Variants in DOT1L observed in about 807,000 individuals in gnomAD.
The protein encoded by DOT1L is DOT1 like histone lysine methyltransferase.
Under a neutral mutation model 153.3 loss-of-function variants are expected in DOT1L, and 33 were observed. That is an observed-to-expected ratio of 0.22 (90% confidence interval 0.16 to 0.29). The LOEUF is 0.29. Ranked by LOEUF, DOT1L falls within the 10% of genes least tolerant of loss-of-function variation. The pLI, the probability that DOT1L is intolerant of heterozygous loss-of-function variation, is 1.00. For missense variants in DOT1L, 1,847 were observed against 2,119.9 expected, an observed-to-expected ratio of 0.87 and a Z score of 2.53; for synonymous variants, 1,135 against 965.1, an observed-to-expected ratio of 1.18 and a Z score of -3.26.
chr19:2,217,110 C>T lies in DOT1L; in HGVS notation c.2544+20C>T. 2 of 1,570,450 alleles carry T rather than the reference C, an allele frequency of 1.3e-6. No individual in the cohort carries two copies. Among genetic ancestry groups the T allele is most frequent in the Non-Finnish European group, 1.7e-6 (2 of 1,155,914 alleles). On this transcript the variant is annotated intron_variant, in intron 21 of 27. Transcript: ENST00000398665. This position sits in a 1 kb window ranked among gnomAD's most constrained non-coding sequence, Gnocchi z 7.3. ...GAGAAGGTGCGGGCCGCGACCCCTG[C>T]CCCGGGCTCAGGGAGGTGCTCAGCA...
At chr19:2,185,624 C>A (rs1181952435) in intron 2 of DOT1L, among the ~76,000 whole-genome samples, 2 of 152,080 alleles carry the variant, frequency 1.3e-5, no homozygotes, top group Non-Finnish European at 2.9e-5. Flanking sequence ...CAAAAATTAG[C>A]CAGGCGTGGT....
chr19:2,182,790 C>T (rs1354776408), intron 2 of DOT1L, among the ~76,000 whole-genome samples: 2 of 152,280 alleles, frequency 1.3e-5, no homozygotes, highest in East Asian at 1.9e-4. Context: ...GGATCTCAGG[C>T]AGTGGCGGTG....
intron 26 of DOT1L, 134 bp from the exon 27 acceptor site, chr19:2,226,049 G>C: frequency 1.0e-6 from 1 of 956,926 alleles, no homozygotes; most frequent in Non-Finnish European, 1.5e-6. Context: ...ATCCTGTCCC[G>C]CTTGGCATCT....
intron 23 of DOT1L, 140 bp from the exon 24 acceptor site, chr19:2,221,836 C>T (rs929163175): frequency 1.9e-5 from 17 of 881,916 alleles, no homozygotes; most frequent in African/African-American, 1.9e-4. Flanking sequence ...CCAGAGGGGC[C>T]GTTTTCAGAC....
At chr19:2,225,750 CCT>C (rs1555728677) in intron 26 of DOT1L, among the ~76,000 whole-genome samples, 1 of 152,166 alleles carries the variant, frequency 6.6e-6, no homozygotes, top group Non-Finnish European at 1.5e-5. Flanking sequence ...CCTTGGGTCC[CCT>C]GTTTGCTTTG....
rs564903627 is a variant in DOT1L at position 2,218,644 on chromosome 19, G to T, written c.2691+726G>T. Among the ~76,000 whole-genome samples the T allele has an allele frequency of 8.6e-5, 13 of 151,870 alleles. No homozygotes were observed. In the East Asian group the frequency reaches 1.9e-3, roughly 23 times the overall value. ...TCCTGACCTAGTGATCCGCCCGCCTGGGCCTCCCAAAGTGCTGGGATTACA... is the reference window on the plus strand; with the variant it reads ...TCCTGACCTAGTGATCCGCCCGCCTTGGCCTCCCAAAGTGCTGGGATTACA... On this transcript the variant is annotated intron_variant, in intron 22 of 27. Coordinates refer to ENST00000398665, the MANE Select transcript of DOT1L (RefSeq NM_032482.3).
rs745678384 is a variant in DOT1L at position 2,164,315 on chromosome 19, C to T, written c.81+50C>T. ...TACCTCCCGGCCTCCCCTCCTCCGC[C>T]GCCCCTGGGGACACCCCAAACCCCC... is the stretch of plus-strand genomic sequence containing the variant. On this transcript the variant is annotated intron_variant, in intron 1 of 27. Coordinates refer to ENST00000398665, the MANE Select transcript of DOT1L (RefSeq NM_032482.3). 2.1e-5 allele frequency: 25 copies of T among 1,212,738 alleles called. 1 individual carries two copies. In the East Asian group the frequency reaches 3.8e-4, roughly 19 times the overall value. 75.1% of individuals were successfully genotyped at this position (1,212,738 alleles called of 1,614,324 possible). A position where few individuals can be genotyped will look rare whatever the true frequency, so the allele number is the denominator to read the frequency against.
chr19:2,180,585 G>C, intron 1 of DOT1L, 128 bp from the exon 2 acceptor site: 7 of 1,132,802 alleles, frequency 6.2e-6, no homozygotes, highest in Non-Finnish European at 8.9e-6. Flanking sequence ...TGGGTGGTGG[G>C]CTTGGGAGCT....
chr19:2,196,700 C>T (rs1380916768), intron 7 of DOT1L, among the ~76,000 whole-genome samples: 1 of 152,192 alleles, frequency 6.6e-6, no homozygotes, highest in Non-Finnish European at 1.5e-5. Context: ...CCTTAGCAGT[C>T]CGTGTGCCTT....
In DOT1L at chr19:2,226,170, T is replaced by C. The variant is rs2024320701; in HGVS notation, c.3662-13T>C. On this transcript the variant is annotated splice_polypyrimidine_tract_variant and intron_variant, in intron 26 of 27. Coordinates refer to ENST00000398665, the MANE Select transcript of DOT1L (RefSeq NM_032482.3). ...GCTCTGGGCTCACGGCTTCTGCCTT[T>C]CCTCTTTGCCAGGTGGTGGCTTGGC... is the stretch of plus-strand genomic sequence containing the variant. 2.0e-6 allele frequency: 3 copies of C among 1,512,224 alleles called. No homozygotes were observed. The Admixed American group carries it at 6.4e-5, about 32-fold the overall frequency. The allele number at this position is 1,512,224 out of a possible 1,614,324, so 93.7% of individuals were successfully genotyped here. A position where few individuals can be genotyped will look rare whatever the true frequency, so the allele number is the denominator to read the frequency against.
intron 23 of DOT1L, chr19:2,221,622 C>T (rs1489434479): frequency 3.1e-6 from 1 of 318,776 alleles, no homozygotes; most frequent in African/African-American, 2.1e-5. Context: ...CATGGGCTTT[C>T]CTCATGGTGT....
rs1372264971 is a variant in DOT1L at position 2,208,202 on chromosome 19, A to G, written c.963+522A>G. On this transcript the variant is annotated intron_variant, in intron 11 of 27. Coordinates refer to ENST00000398665, the MANE Select transcript of DOT1L (RefSeq NM_032482.3). This position sits in a 1 kb window ranked among gnomAD's most constrained non-coding sequence, Gnocchi z 4.4. ...CCACGGTGCTTCCCCCCCGGGCACG[A>G]GTATCCCGAGCCTCCTGGCATGTGG... Among the ~76,000 whole-genome samples, 1 of 152,038 alleles carries G rather than the reference A, an allele frequency of 6.6e-6. No homozygotes were observed. Among genetic ancestry groups the G allele is most frequent in the Non-Finnish European group, 1.5e-5 (1 of 67,976 alleles).
Position 2,230,518 on chromosome 19 carries a change from G to C in DOT1L, c.*726G>C, listed in dbSNP as rs2024555410. 1 of 398,786 alleles carries C rather than the reference G, an allele frequency of 2.5e-6. No individual in the cohort carries two copies. Among genetic ancestry groups the C allele is most frequent in the Non-Finnish European group, 4.4e-6 (1 of 226,146 alleles). 24.7% of individuals were successfully genotyped at this position (398,786 alleles called of 1,614,324 possible). On this transcript the variant is annotated 3_prime_UTR_variant, in exon 28 of 28. Coordinates refer to ENST00000398665, the MANE Select transcript of DOT1L (RefSeq NM_032482.3). ...GCTGTGAGGACGGCGCGGGCACGTTGAACAAGTGCATTTACTTTTGTATTT... is the reference window on the plus strand; with the variant it reads ...GCTGTGAGGACGGCGCGGGCACGTTCAACAAGTGCATTTACTTTTGTATTT...
Position 2,208,886 on chromosome 19 carries a change from AC to A in DOT1L, c.964-48del. On this transcript the variant is annotated intron_variant, in intron 11 of 27. Transcript: ENST00000398665. The surrounding 1 kb of genome is among the most constrained non-coding windows in gnomAD (Gnocchi z 4.4). ...TACCTGGGTGTCCAGACAAATCCGAACAGAGATTGGGACTCCCTTCTAATCA... is the reference window on the plus strand; with the variant it reads ...TACCTGGGTGTCCAGACAAATCCGAAAGAGATTGGGACTCCCTTCTAATCA... 1.3e-6 allele frequency: 2 copies of A among 1,594,536 alleles called. No homozygotes were observed. The highest frequency in any genetic ancestry group is 2.2e-5 in the South Asian group (2 of 89,072).
At chr19:2,228,344 A>G (rs1222346103) in intron 27 of DOT1L, 3 of 1,323,086 alleles carry the variant, frequency 2.3e-6, no homozygotes, top group Non-Finnish European at 3.0e-6. Flanking sequence ...TTAAGCCGCG[A>G]TAAAGACCTT....
chr19:2,170,682 A>C (rs1464398465), intron 1 of DOT1L, among the ~76,000 whole-genome samples: 2 of 152,104 alleles, frequency 1.3e-5, no homozygotes, highest in African/African-American at 2.4e-5. Flanking sequence ...GTCGGCTGTA[A>C]ATCCAGGTTC....
chr19:2,200,076 G>A, intron 8 of DOT1L, 137 bp downstream of exon 8: 2 of 1,170,774 alleles, frequency 1.7e-6, no homozygotes, highest in Non-Finnish European at 2.4e-6. Context: ...GGGACAGGAA[G>A]GGCGCCTTTC....
chr19:2,170,508 C>G (rs1367334017), intron 1 of DOT1L, among the ~76,000 whole-genome samples: 2 of 152,132 alleles, frequency 1.3e-5, no homozygotes, highest in Admixed American at 6.5e-5. Context: ...GGGGATTCAT[C>G]AGTTCTGTGT....
rs755639227 is a variant in DOT1L at position 2,210,677 on chromosome 19, C to T, written c.1173C>T (p.Pro391=). ...AGAATVKKPS[P]SKARKKKLNK... ...CAGCCACCGTGAAGAAGCCGTCTCC[C>T]TCCAAAGCCCGCAAGAAGAAGCTAA... Residue 391 remains proline, a synonymous_variant, in exon 14 of 28, where the codon CCC becomes CCT. Transcript: ENST00000398665. 1.3e-5 allele frequency: 21 copies of T among 1,612,946 alleles called. No homozygotes were observed. In the East Asian group the frequency reaches 3.1e-4, roughly 24 times the overall value.
Sources: gnomAD v4.1 joint callset for allele counts (sites outside exome capture counted in the v4.1 genomes callset) on GRCh38, gnomAD v4.1.1 for gene constraint, Gnocchi (gnomAD v3.1) non-coding constraint, MANE v1.5 for transcripts, NCBI Gene and HGNC (gene_info 2026-07-23, HGNC 2026-07-21) for gene names.